The following LPAR3 variants were observed in gnomAD, a reference collection of about 807,000 sequenced individuals.
LPAR3 encodes the protein lysophosphatidic acid receptor 3.
LPAR3 carries 7 observed loss-of-function variants against 17.8 expected under a neutral mutation model. The observed-to-expected ratio is 0.39, with a 90% CI of 0.22 to 0.74. LPAR3 has a LOEUF of 0.74. Among genes scored for constraint, LPAR3 ranks in the 30% least tolerant of loss-of-function variants. The probability of loss-of-function intolerance (pLI) is 0.40; values close to 1 mark genes in which losing one functional copy is unlikely to be tolerated. For synonymous variants in LPAR3, 179 were observed against 179.9 expected, an observed-to-expected ratio of 0.99 and a Z score of 0.04; for missense variants, 391 against 453.4, an observed-to-expected ratio of 0.86 and a Z score of 1.25.
rs1659246803 is a variant in LPAR3 at position 84,829,747 on chromosome 1, T to C, written c.737-15576A>G. Among the ~76,000 whole-genome samples the C allele has an allele frequency of 3.9e-5, 6 of 152,140 alleles. 1 individual carries two copies. In the South Asian group the frequency reaches 1.2e-3, roughly 31 times the overall value. ...ACTCTTTGGAAATGTTTTCTTAATT[T>C]GCACTGAGCAAACTTTCAAAGTTTG... On this transcript the variant is annotated intron_variant, in intron 2 of 2. Coordinates refer to ENST00000370611, the MANE Select transcript of LPAR3 (RefSeq NM_012152.3).
chr1:84,865,432 C>T lies in LPAR3; in HGVS notation c.689G>A (p.Arg230His), dbSNP rs773925691. 27 of 1,613,842 alleles carry T rather than the reference C, an allele frequency of 1.7e-5. No individual in the cohort carries two copies. The highest frequency in any genetic ancestry group is 2.2e-5 in the East Asian group (1 of 44,878). Residue 230 changes from arginine to histidine, a missense_variant, in exon 2 of 3, where the codon CGC becomes CAC. Coordinates refer to ENST00000370611, the MANE Select transcript of LPAR3 (RefSeq NM_012152.3). ...LSPHTSGSIS[R>H]RRTPMKLMKT... is the part of the protein sequence containing the mutation. ...CATTAGCTTCATGGGTGTCCTCCGG[C>T]GGCTGATGGACCCACTTGTATGCGG...
At position 84,865,580 on chromosome 1, in the gene LPAR3, G is replaced by C. The variant is rs1408069364; in HGVS notation, c.541C>G (p.Pro181Ala). The change falls in exon 2 of 3, where the codon CCC becomes GCC. Residue 181 changes from proline (P) to alanine (A), a missense_variant. Physicochemically the swap from Pro to Ala is conservative, Grantham distance 27. Coordinates refer to ENST00000370611, the MANE Select transcript of LPAR3 (RefSeq NM_012152.3). The part of the protein sequence containing the change: ...CNISACSSLA[P>A]IYSRSYLVFW... The stretch of plus-strand genomic sequence containing the variant: ...ACAAGGTAACTCCTGCTGTAAATGG[G>C]GGCCAGGGAAGAGCAGGCAGAGATG... 6.2e-7 allele frequency: 1 copy of C among 1,614,190 alleles called. No individual in the cohort carries two copies. Among genetic ancestry groups the C allele is most frequent in the Non-Finnish European group, 8.5e-7 (1 of 1,180,034 alleles).
chr1:84,874,449 A>C (rs1660217763), intron 1 of LPAR3, among the ~76,000 whole-genome samples: 1 of 152,168 alleles, frequency 6.6e-6, no homozygotes, highest in Non-Finnish European at 1.5e-5. Flanking sequence ...CTACCCTAGG[A>C]CTTGTTTAAC....
chr1:84,861,711 T>C (rs935205106), intron 2 of LPAR3, among the ~76,000 whole-genome samples: 4 of 152,220 alleles, frequency 2.6e-5, no homozygotes, highest in Admixed American at 6.5e-5. Context: ...TCCCTGAACT[T>C]CCTGTCTTCC....
At chr1:84,841,090 C>T (rs1464263105) in intron 2 of LPAR3, among the ~76,000 whole-genome samples, 3 of 152,190 alleles carry the variant, frequency 2.0e-5, no homozygotes, top group African/African-American at 7.2e-5. Flanking sequence ...AAGTGGTAAC[C>T]AGTCCTTCAG....
At chr1:84,882,170 TG>T (rs1660377896) in intron 1 of LPAR3, among the ~76,000 whole-genome samples, 1 of 152,212 alleles carries the variant, frequency 6.6e-6, no homozygotes, top group African/African-American at 2.4e-5. Context: ...AAAAATCAGT[TG>T]CATTTATTTC....
chr1:84,821,260 G>A (rs1218494798), intron 2 of LPAR3, among the ~76,000 whole-genome samples: 1 of 151,906 alleles, frequency 6.6e-6, no homozygotes, highest in Non-Finnish European at 1.5e-5. Context: ...GTTAACTAAA[G>A]CCCTATGTAG....
chr1:84,864,464 C>T (rs922742068), intron 2 of LPAR3, among the ~76,000 whole-genome samples: 3 of 152,134 alleles, frequency 2.0e-5, no homozygotes, highest in Admixed American at 6.5e-5. Flanking sequence ...CCTGTTTTTG[C>T]TATTGCCTCA....
chr1:84,863,627 G>A (rs1415147599), intron 2 of LPAR3, among the ~76,000 whole-genome samples: 4 of 152,044 alleles, frequency 2.6e-5, no homozygotes, highest in South Asian at 2.1e-4. Flanking sequence ...GTGAGCTCAC[G>A]CAGTCCTGTG....
chr1:84,858,163 C>T (rs892979846), intron 2 of LPAR3, among the ~76,000 whole-genome samples: 5 of 152,054 alleles, frequency 3.3e-5, no homozygotes, highest in Admixed American at 6.6e-5. Flanking sequence ...TCAGAGACCT[C>T]GGCTTCTCAT....
At chr1:84,888,938 C>A (rs1303177013) in intron 1 of LPAR3, among the ~76,000 whole-genome samples, 1 of 152,112 alleles carries the variant, frequency 6.6e-6, no homozygotes, top group Non-Finnish European at 1.5e-5. Context: ...CTGTGCTGGG[C>A]AGGTTGCTTT....
intron 2 of LPAR3, among the ~76,000 whole-genome samples, chr1:84,855,769 T>G (rs1433300657): frequency 6.6e-6 from 1 of 152,020 alleles, no homozygotes; most frequent in Non-Finnish European, 1.5e-5. Context: ...CTAAACTGAC[T>G]GCCAAGGGAG....
intron 1 of LPAR3, among the ~76,000 whole-genome samples, chr1:84,866,597 T>C (rs1228630514): frequency 6.6e-6 from 1 of 152,168 alleles, no homozygotes; most frequent in Admixed American, 6.5e-5. Flanking sequence ...CCCAGTTCAT[T>C]AGTTATTTAT....
chr1:84,886,026 T>C (rs1326423923), intron 1 of LPAR3, among the ~76,000 whole-genome samples: 13 of 152,186 alleles, frequency 8.5e-5, no homozygotes, highest in Non-Finnish European at 1.9e-4. Context: ...CCTAGCTCTG[T>C]CCTCTGAGAG....
At chr1:84,888,179 C>G (rs11809989) in intron 1 of LPAR3, among the ~76,000 whole-genome samples, 554 of 24,736 alleles carry the variant, frequency 0.022, 1 homozygote, top group African/African-American at 0.053. Flanking sequence ...CACACACACA[C>G]AGAGAGAGGC....
At chr1:84,823,125 ATTCTTCTTATT>A (rs1367142181) in intron 2 of LPAR3, among the ~76,000 whole-genome samples, 3 of 152,194 alleles carry the variant, frequency 2.0e-5, no homozygotes, top group African/African-American at 7.2e-5. Flanking sequence ...CTAGGGAGGC[ATTCTTCTTATT>A]TGAAAAGGAA....
chr1:84,878,174 AT>A (rs952314919), intron 1 of LPAR3, among the ~76,000 whole-genome samples: 4 of 152,144 alleles, frequency 2.6e-5, no homozygotes, highest in East Asian at 3.9e-4. Flanking sequence ...TCTGACATAA[AT>A]TTTTTTTAAA....
chr1:84,837,600 CTTT>C (rs1659431098), intron 2 of LPAR3, among the ~76,000 whole-genome samples: 1 of 152,122 alleles, frequency 6.6e-6, no homozygotes, highest in Non-Finnish European at 1.5e-5. Flanking sequence ...TTAGCGAAGT[CTTT>C]ATTATATATG....
intron 2 of LPAR3, among the ~76,000 whole-genome samples, chr1:84,833,190 A>G (rs561422744): frequency 5.3e-5 from 8 of 152,318 alleles, no homozygotes; most frequent in African/African-American, 1.9e-4. Context: ...CTCAAATAAC[A>G]AAAAGCTCAC....
Sources: allele counts gnomAD v4.1 joint callset (sites outside exome capture counted in the v4.1 genomes callset), GRCh38; gene constraint gnomAD v4.1.1; transcripts MANE v1.5; gene names NCBI Gene and HGNC (gene_info 2026-07-23, HGNC 2026-07-21).